Variants in DLGAP4 observed in about 807,000 individuals in gnomAD.
DLGAP4 encodes the protein DLG associated protein 4, also known as disks large-associated protein 4.
A neutral mutation model predicts 86.9 loss-of-function variants in DLGAP4; 18 were observed. The ratio of observed to expected loss-of-function variants is 0.21; its 90% CI spans 0.14 to 0.31. The LOEUF (loss-of-function observed/expected upper bound fraction) is 0.31, where lower values mean the gene tolerates loss of function less well. Ranked by LOEUF, DLGAP4 falls within the 10% of genes least tolerant of loss-of-function variation. DLGAP4 has a pLI of 1.00. For synonymous variants in DLGAP4, 548 were observed against 574.3 expected, an observed-to-expected ratio of 0.95 and a Z score of 0.65; for missense variants, 1,085 against 1,362.6, an observed-to-expected ratio of 0.80 and a Z score of 3.21.
intron 7 of DLGAP4, chr20:36,461,378 A>T: frequency 2.4e-6 from 2 of 821,814 alleles, no homozygotes; most frequent in Non-Finnish European, 2.9e-6. Flanking sequence ...CCGGCCCGGG[A>T]GTCCCTGACG....
rs772599289 is a variant in DLGAP4 at position 36,436,189 on chromosome 20, G to A, written c.1080G>A (p.Pro360=). 3.7e-6 allele frequency: 6 copies of A among 1,601,912 alleles called. No homozygotes were observed. In the South Asian group the frequency reaches 5.5e-5, roughly 15 times the overall value. ...ATGCCGCGGCCGAGGGCCCTATCCC[G>A]TGCCGGCGCATGCGCAGCGGCAGCT... The part of the protein sequence containing the change: ...ETDAAAEGPI[P]CRRMRSGSYI... Residue 360 remains proline (P), a synonymous_variant, in exon 4 of 13, where the codon CCG becomes CCA. Coordinates refer to ENST00000339266, the MANE Select transcript of DLGAP4 (RefSeq NM_001365621.2).
At chr20:36,408,141 G>A (rs969711252) in intron 2 of DLGAP4, among the ~76,000 whole-genome samples, 4 of 151,878 alleles carry the variant, frequency 2.6e-5, no homozygotes, top group African/African-American at 9.7e-5. Context: ...AGGAGGCTTG[G>A]GCTTTATCTT....
At chr20:36,327,566 A>C (rs2147353279) in intron 1 of DLGAP4, among the ~76,000 whole-genome samples, 1 of 151,444 alleles carries the variant, frequency 6.6e-6, no homozygotes, top group East Asian at 2.0e-4. Context: ...CCTTTGTTCC[A>C]GATAAGAATT....
At chr20:36,359,302 A>G (rs535631821) in intron 1 of DLGAP4, among the ~76,000 whole-genome samples, 5 of 152,226 alleles carry the variant, frequency 3.3e-5, no homozygotes, top group South Asian at 4.2e-4. Flanking sequence ...TTTGTATAAA[A>G]ATCAGTCTTT....
rs923473660 is a variant in DLGAP4, at chr20:36,432,712, T to G, written c.995T>G (p.Leu332Arg). 5 of 1,612,704 alleles carry G rather than the reference T, an allele frequency of 3.1e-6. No individual in the cohort carries two copies. Among genetic ancestry groups the G allele is most frequent in the Non-Finnish European group, 4.2e-6 (5 of 1,179,532 alleles). The change falls in exon 3 of 13, where the codon CTG becomes CGG. Residue 332 changes from leucine to arginine, a missense_variant. By Grantham distance (102) the Leu-to-Arg change is moderately radical. Transcript: ENST00000339266. This position sits in a 1 kb window ranked among gnomAD's most constrained non-coding sequence, Gnocchi z 6.5. ...CACCAGGGTCTAGCCTACCATTACCTGCAGGTGGGTCTCTGGCAGGGTCAG... is the reference window on the plus strand; with the variant it reads ...CACCAGGGTCTAGCCTACCATTACCGGCAGGTGGGTCTCTGGCAGGGTCAG... ...SCHQGLAYHY[L>R]QVPGGGGEWS...
chr20:36,421,908 T>C (rs986891236), intron 2 of DLGAP4, among the ~76,000 whole-genome samples: 10 of 152,056 alleles, frequency 6.6e-5, no homozygotes, highest in Non-Finnish European at 1.5e-4. Flanking sequence ...AGATAGGTGG[T>C]GTTTAAGGCC....
rs1299852077 is a variant in DLGAP4, at chr20:36,317,241, T to TTC, written c.-304+10731_-304+10732dup. ...TCTCCTTTTTTCTTTCTTTCTTTCT[T>TTC]TCTTTCTTTCTTTCTTTCTTTCTTT... On this transcript the variant is annotated intron_variant, in intron 1 of 12. Coordinates refer to ENST00000339266, the MANE Select transcript of DLGAP4 (RefSeq NM_001365621.2). Among the ~76,000 whole-genome samples the TTC allele has an allele frequency of 5.7e-5, 3 of 52,212 alleles. No individual in the cohort carries two copies. The Admixed American group carries it at 6.6e-4, about 12-fold the overall frequency. The allele number at this position is 52,212 out of a possible 152,430, so 34.3% of individuals were successfully genotyped here.
At chr20:36,519,392 A>T (rs1331948403) in intron 10 of DLGAP4, among the ~76,000 whole-genome samples, 1 of 152,112 alleles carries the variant, frequency 6.6e-6, no homozygotes, top group Non-Finnish European at 1.5e-5. Flanking sequence ...CATGTGTGAG[A>T]AGTATATTTT....
Position 36,424,179 on chromosome 20 carries a change from C to A in DLGAP4, c.-72-7467C>A, listed in dbSNP as rs140734417. Among the ~76,000 whole-genome samples the A allele has an allele frequency of 3.4e-4, 52 of 152,204 alleles. 1 individual carries two copies. In the East Asian group the frequency reaches 8.1e-3, roughly 24 times the overall value. ...GAACATCTGTGACAGGTGAAGGGGA[C>A]AGGATTGGGCAGAGGGAAGAGGTGA... On this transcript the variant is annotated intron_variant, in intron 2 of 12. Transcript: ENST00000339266.
At chr20:36,361,848 G>A (rs1313750005) in intron 1 of DLGAP4, among the ~76,000 whole-genome samples, 1 of 151,776 alleles carries the variant, frequency 6.6e-6, no homozygotes, top group Non-Finnish European at 1.5e-5. Context: ...GCGTGGTGGT[G>A]CATGTCTGTA....
chr20:36,375,667 A>G (rs2031124543), intron 2 of DLGAP4, among the ~76,000 whole-genome samples: 1 of 152,172 alleles, frequency 6.6e-6, no homozygotes, highest in Non-Finnish European at 1.5e-5. Context: ...TGTTCCTCCA[A>G]GCAGTGTTGA....
At chr20:36,441,866 G>A (rs2033455755) in intron 5 of DLGAP4, among the ~76,000 whole-genome samples, 1 of 152,054 alleles carries the variant, frequency 6.6e-6, no homozygotes, top group South Asian at 2.1e-4. Context: ...GCCTGGGCCT[G>A]GCACCCAGGA....
At chr20:36,506,517 C>CA (rs1569522296) in intron 10 of DLGAP4, among the ~76,000 whole-genome samples, 1 of 152,166 alleles carries the variant, frequency 6.6e-6, no homozygotes, top group Non-Finnish European at 1.5e-5. Context: ...GTCCCTTATC[C>CA]AAAATACATA....
chr20:36,352,522 G>A (rs1373262833), intron 1 of DLGAP4, among the ~76,000 whole-genome samples: 1 of 152,116 alleles, frequency 6.6e-6, no homozygotes, highest in African/African-American at 2.4e-5. Flanking sequence ...GGATTTCCTG[G>A]AGGACTGAGT....
intron 1 of DLGAP4, among the ~76,000 whole-genome samples, chr20:36,345,591 C>G (rs1436439999): frequency 6.6e-6 from 1 of 152,200 alleles, no homozygotes; most frequent in African/African-American, 2.4e-5. Context: ...ATGGTATAAG[C>G]CTCAAGCCTT....
intron 12 of DLGAP4, among the ~76,000 whole-genome samples, 169 bp from the exon 13 acceptor site, chr20:36,526,644 T>TGTCA (rs1435240239): frequency 6.6e-6 from 1 of 152,210 alleles, no homozygotes; most frequent in East Asian, 1.9e-4. Context: ...CTCTTCCCAC[T>TGTCA]GTCAGTCATC....
chr20:36,317,062 C>A (rs1283255075), intron 1 of DLGAP4, among the ~76,000 whole-genome samples: 1 of 152,204 alleles, frequency 6.6e-6, no homozygotes, highest in African/African-American at 2.4e-5. Flanking sequence ...GTAGCCTAGT[C>A]TACACTAATA....
At chr20:36,493,604 C>A (rs960682907) in intron 7 of DLGAP4, among the ~76,000 whole-genome samples, 34 of 152,184 alleles carry the variant, frequency 2.2e-4, no homozygotes, top group Non-Finnish European at 3.7e-4. Context: ...GGTCCCAGGG[C>A]CCAGCAGGAT....
intron 7 of DLGAP4, among the ~76,000 whole-genome samples, chr20:36,466,247 A>T (rs561382498): frequency 6.6e-6 from 1 of 152,258 alleles, no homozygotes; most frequent in African/African-American, 2.4e-5. Context: ...TTGCTGTGTG[A>T]CCTTGGATTA....
Sources: gnomAD v4.1 joint callset for allele counts (sites outside exome capture counted in the v4.1 genomes callset) on GRCh38, gnomAD v4.1.1 for gene constraint, Gnocchi (gnomAD v3.1) non-coding constraint, MANE v1.5 for transcripts, NCBI Gene and HGNC (gene_info 2026-07-23, HGNC 2026-07-21) for gene names.